Variants in AMDHD2 observed in about 807,000 individuals in gnomAD.
AMDHD2 encodes N-acetylglucosamine-6-phosphate deacetylase.
AMDHD2 carries 24 observed loss-of-function variants against 41.8 expected under a neutral mutation model. The observed-to-expected ratio is 0.57, with a 90% CI of 0.42 to 0.81. The LOEUF (loss-of-function observed/expected upper bound fraction) is 0.81. Ranked by LOEUF, AMDHD2 falls within the 30% of genes least tolerant of loss-of-function variation. The probability of loss-of-function intolerance (pLI) is 0.00; values close to 1 mark genes in which losing one functional copy is unlikely to be tolerated. For missense variants in AMDHD2, 540 were observed against 588.5 expected (o/e 0.92, Z 0.85); for synonymous variants, 332 against 255.5 (o/e 1.30, Z -2.85).
intron 3 of AMDHD2, among the ~76,000 whole-genome samples, chr16:2,526,282 G>A (rs902139479): frequency 6.6e-6 from 1 of 152,184 alleles, no homozygotes; most frequent in Non-Finnish European, 1.5e-5. Context: ...CTCTTGGGCT[G>A]GCTGGGTTCC....
intron 3 of AMDHD2, 88 bp downstream of exon 3, chr16:2,521,211 C>A: frequency 7.1e-7 from 1 of 1,410,492 alleles, no homozygotes; most frequent in Non-Finnish European, 9.3e-7. Flanking sequence ...CCCCCCACCC[C>A]CAGCACGTAT....
intron 3 of AMDHD2, among the ~76,000 whole-genome samples, chr16:2,526,703 T>A (rs2066008127): frequency 6.6e-6 from 1 of 150,950 alleles, no homozygotes; most frequent in African/African-American, 2.4e-5. Context: ...TTTGGGAGAC[T>A]AAGGTGGGTG....
chr16:2,520,390 G>A lies in AMDHD2; in HGVS notation c.-69G>A, dbSNP rs1475114534. 2.5e-6 allele frequency: 3 copies of A among 1,185,860 alleles called. No homozygotes were observed. Among genetic ancestry groups the A allele is most frequent in the African/African-American group, 3.2e-5 (2 of 62,892 alleles). The allele number at this position is 1,185,860 out of a possible 1,614,324, so 73.5% of individuals were successfully genotyped here. On this transcript the variant is annotated 5_prime_UTR_variant, in exon 1 of 11. Transcript: ENST00000293971. ...GGCGCGGTCTCAGCTCTCGGCTGGG[G>A]TTCGTCACTGGGCGCGGGATTTGGC...
At chr16:2,524,806 A>G (rs542792275) in intron 3 of AMDHD2, among the ~76,000 whole-genome samples, 2 of 152,194 alleles carry the variant, frequency 1.3e-5, no homozygotes, top group South Asian at 4.1e-4. Flanking sequence ...AGAGCTGAAC[A>G]TCAGTGCTCT....
In AMDHD2 at chr16:2,529,432, G is replaced by T. The variant is rs748572573; in HGVS notation, c.1142-43G>T. 10 of 1,602,898 alleles carry T rather than the reference G, an allele frequency of 6.2e-6. No homozygotes were observed. The South Asian group carries it at 1.1e-4, about 18-fold the overall frequency. ...GGGAGCAGCTCTGGGGTAGGTGGGC[G>T]GCCCCACTCCTGCCCCCTACTCATT... On this transcript the variant is annotated intron_variant, in intron 10 of 10. Coordinates refer to ENST00000293971, the MANE Select transcript of AMDHD2 (RefSeq NM_001330449.2).
chr16:2,522,758 A>G (rs558233191), intron 3 of AMDHD2, among the ~76,000 whole-genome samples: 2 of 151,942 alleles, frequency 1.3e-5, no homozygotes, highest in East Asian at 3.9e-4. Context: ...CAGGAGATCT[A>G]CTGCCTCGGC....
At position 2,531,171 on chromosome 16, in the gene AMDHD2, G is replaced by A; in HGVS notation, c.*1608G>A. Reference sequence around the variant, plus strand: ...AGCCCTGGGCCAGCCTTTGGGCCTGGCCTGCCCCATTCACCGGCCAGCGCC... The same window carrying A: ...AGCCCTGGGCCAGCCTTTGGGCCTGACCTGCCCCATTCACCGGCCAGCGCC... On this transcript the variant is annotated 3_prime_UTR_variant, in exon 11 of 11. Coordinates refer to ENST00000293971, the MANE Select transcript of AMDHD2 (RefSeq NM_001330449.2). The A allele has an allele frequency of 2.1e-6, 3 of 1,458,454 alleles. No homozygotes were observed. The highest frequency in any genetic ancestry group is 2.8e-6 in the Non-Finnish European group (3 of 1,089,826). The allele number at this position is 1,458,454 out of a possible 1,614,324, so 90.3% of individuals were successfully genotyped here.
intron 3 of AMDHD2, among the ~76,000 whole-genome samples, chr16:2,523,961 A>G (rs926552933): frequency 7.9e-5 from 12 of 152,200 alleles, no homozygotes; most frequent in African/African-American, 2.9e-4. Context: ...GGGAGGAACT[A>G]TGGCTCTTCT....
At chr16:2,526,189 G>T (rs910134916) in intron 3 of AMDHD2, among the ~76,000 whole-genome samples, 7 of 152,274 alleles carry the variant, frequency 4.6e-5, no homozygotes, top group Admixed American at 2.6e-4. Flanking sequence ...TTCAGAAGAG[G>T]TGTCAGCAGG....
intron 5 of AMDHD2, 23 bp downstream of exon 5, chr16:2,528,008 G>T: frequency 6.2e-7 from 1 of 1,609,320 alleles, no homozygotes. Flanking sequence ...CTCGGGGTGG[G>T]CCTGCTTGGG....
At chr16:2,522,741 C>T (rs1488471617) in intron 3 of AMDHD2, among the ~76,000 whole-genome samples, 1 of 152,066 alleles carries the variant, frequency 6.6e-6, no homozygotes, top group African/African-American at 2.4e-5. Flanking sequence ...TCTCAAACTC[C>T]TAGGCTCAGG....
chr16:2,527,753 C>T lies in AMDHD2; in HGVS notation c.416-20C>T, dbSNP rs763309304. On this transcript the variant is annotated intron_variant, in intron 4 of 10. Coordinates refer to ENST00000293971, the MANE Select transcript of AMDHD2 (RefSeq NM_001330449.2). This position sits in a 1 kb window ranked among gnomAD's most constrained non-coding sequence, Gnocchi z 6.1. ...GGGTGGGGCAGGGACCTGCTGGAGC[C>T]ACTTGCTCCCTCCTCCCAGGGCTGC... is the stretch of plus-strand genomic sequence containing the variant. 1.7e-5 allele frequency: 27 copies of T among 1,559,560 alleles called. No individual in the cohort carries two copies. In the African/African-American group the frequency reaches 3.4e-4, roughly 20 times the overall value.
At position 2,527,755 on chromosome 16, in the gene AMDHD2, C is replaced by G; in HGVS notation, c.416-18C>G. ...GTGGGGCAGGGACCTGCTGGAGCCA[C>G]TTGCTCCCTCCTCCCAGGGCTGCAC... On this transcript the variant is annotated intron_variant, in intron 4 of 10. Coordinates refer to ENST00000293971, the MANE Select transcript of AMDHD2 (RefSeq NM_001330449.2). The surrounding 1 kb of genome is among the most constrained non-coding windows in gnomAD (Gnocchi z 6.1). 6.4e-7 allele frequency: 1 copy of G among 1,561,224 alleles called. No homozygotes were observed. Among genetic ancestry groups the G allele is most frequent in the South Asian group, 1.2e-5 (1 of 85,266 alleles).
At chr16:2,520,717 G>GCGGGGCCGAGGT (rs1211414769) in intron 1 of AMDHD2, 52 bp from the exon 2 acceptor site, 1 of 1,477,114 alleles carries the variant, frequency 6.8e-7, no homozygotes, top group Non-Finnish European at 9.0e-7. Flanking sequence ...GGTGCAGGGT[G>GCGGGGCCGAGGT]CGGGGCCGAG....
At chr16:2,528,855 C>T in intron 9 of AMDHD2, 137 bp downstream of exon 9, 1 of 1,519,992 alleles carries the variant, frequency 6.6e-7, no homozygotes. Context: ...TGACTCAGGC[C>T]CAGGGTGACA....
chr16:2,523,642 C>T (rs1315549940), intron 3 of AMDHD2, among the ~76,000 whole-genome samples: 1 of 152,184 alleles, frequency 6.6e-6, no homozygotes, highest in African/African-American at 2.4e-5. Context: ...CACACAGAGT[C>T]AAATGTCAAA....
In AMDHD2 at chr16:2,527,851, C is replaced by T; in HGVS notation, c.494C>T (p.Ala165Val). Reference protein sequence around the residue: ...HPEAHLRSFEADAFQDLLATY... With the variant: ...HPEAHLRSFEVDAFQDLLATY... ...GAGGCCCACCTCCGCTCCTTCGAGG[C>T]CGATGCCTTCCAGGACTTGCTGGCC... The change falls in exon 5 of 11, where the codon GCC (alanine) becomes GTC (valine). Residue 165 changes from alanine (A) to valine (V), a missense_variant. Ala to Val is a moderately conservative substitution (Grantham distance 64). Coordinates refer to ENST00000293971, the MANE Select transcript of AMDHD2 (RefSeq NM_001330449.2). This position sits in a 1 kb window ranked among gnomAD's most constrained non-coding sequence, Gnocchi z 6.1. 6.3e-7 allele frequency: 1 copy of T among 1,597,300 alleles called. No homozygotes were observed. Among genetic ancestry groups the T allele is most frequent in the African/African-American group, 1.3e-5 (1 of 75,018 alleles).
Position 2,528,158 on chromosome 16 carries a change from A to ATGGGGCCCCAGGGGCGGGGC in AMDHD2, c.717+16_717+35dup, listed in dbSNP as rs1567132065. 21 of 1,612,766 alleles carry ATGGGGCCCCAGGGGCGGGGC rather than the reference A, an allele frequency of 1.3e-5. No homozygotes were observed. The highest frequency in any genetic ancestry group is 1.8e-5 in the Non-Finnish European group (21 of 1,179,802). On this transcript the variant is annotated intron_variant, in intron 6 of 10. Coordinates refer to ENST00000293971, the MANE Select transcript of AMDHD2 (RefSeq NM_001330449.2). ...CAACGCCATGCTGCCTGTGAGTGCT[A>ATGGGGCCCCAGGGGCGGGGC]TGGGGCCCCAGGGGCGGGGCTGGGG...
chr16:2,524,254 G>C lies in AMDHD2; in HGVS notation c.360+3131G>C, dbSNP rs541375022. ...AGCTTCTTCGGTCTTTTGTTGTCCTGTTCTGGTCCATTAAGACCACCTTCT... is the reference window on the plus strand; with the variant it reads ...AGCTTCTTCGGTCTTTTGTTGTCCTCTTCTGGTCCATTAAGACCACCTTCT... On this transcript the variant is annotated intron_variant, in intron 3 of 10. Transcript: ENST00000293971. Among the ~76,000 whole-genome samples, 558 of 152,342 alleles carry C rather than the reference G, an allele frequency of 3.7e-3. 6 individuals are homozygous for C. Among genetic ancestry groups the C allele is most frequent in the Non-Finnish European group, 6.6e-3 (446 of 68,024 alleles).
Sources: allele counts gnomAD v4.1 joint callset (sites outside exome capture counted in the v4.1 genomes callset), GRCh38; gene constraint gnomAD v4.1.1; non-coding constraint Gnocchi (gnomAD v3.1); transcripts MANE v1.5; gene names NCBI Gene and HGNC (gene_info 2026-07-23, HGNC 2026-07-21).